The following PTPRD variants were observed in gnomAD, a reference collection of about 807,000 sequenced individuals.
The protein encoded by PTPRD is receptor-type tyrosine-protein phosphatase delta.
Under a neutral mutation model 214.5 loss-of-function variants are expected in PTPRD, and 34 were observed. That is an observed-to-expected ratio of 0.16 (90% CI 0.12 to 0.21). The LOEUF (loss-of-function observed/expected upper bound fraction) is 0.21. Ranked by LOEUF, PTPRD falls within the 10% of genes least tolerant of loss-of-function variation. The probability of loss-of-function intolerance (pLI) is 1.00; values close to 1 mark genes in which losing one functional copy is unlikely to be tolerated. For missense variants in PTPRD, 2,545 were observed against 2,398.7 expected (o/e 1.06, Z -1.27); for synonymous variants, 1,128 against 845.7 (o/e 1.33, Z -5.79).
At chr9:8,441,997 T>C (rs1051321769) in intron 34 of PTPRD, among the ~76,000 whole-genome samples, 1 of 152,134 alleles carries the variant, frequency 6.6e-6, no homozygotes, top group Non-Finnish European at 1.5e-5. Context: ...AAGACAGAGA[T>C]CATAAACCAT....
intron 2 of PTPRD, among the ~76,000 whole-genome samples, chr9:10,391,913 T>C (rs1408323774): frequency 6.6e-6 from 1 of 151,806 alleles, no homozygotes; most frequent in Non-Finnish European, 1.5e-5. Context: ...TCAAGAGTTC[T>C]TTTTCTCCAG....
chr9:8,741,341 G>C (rs2154445581), intron 11 of PTPRD, among the ~76,000 whole-genome samples: 1 of 152,146 alleles, frequency 6.6e-6, no homozygotes, highest in South Asian at 2.1e-4. Flanking sequence ...GCATGTCATA[G>C]CTTCTATCTA....
intron 5 of PTPRD, among the ~76,000 whole-genome samples, chr9:9,912,363 C>T (rs971275600): frequency 3.9e-5 from 6 of 152,132 alleles, no homozygotes; most frequent in Non-Finnish European, 7.4e-5. Flanking sequence ...ACTCATTTAT[C>T]ATGAGGTAGC....
chr9:8,541,537 T>C (rs1434816564), intron 14 of PTPRD, among the ~76,000 whole-genome samples: 3 of 152,152 alleles, frequency 2.0e-5, no homozygotes, highest in Non-Finnish European at 4.4e-5. Flanking sequence ...TCTTTTCTTT[T>C]ATTCTTTTTG....
chr9:9,218,119 T>C (rs1386183403), intron 9 of PTPRD, among the ~76,000 whole-genome samples: 3 of 152,134 alleles, frequency 2.0e-5, no homozygotes, highest in Non-Finnish European at 4.4e-5. Context: ...AATGTTGCAT[T>C]GGACTGAATA....
chr9:9,235,570 G>A (rs1379535862), intron 9 of PTPRD, among the ~76,000 whole-genome samples: 2 of 152,032 alleles, frequency 1.3e-5, no homozygotes, highest in Non-Finnish European at 2.9e-5. Flanking sequence ...GGTGAGAAAA[G>A]GTATCACCCC....
At chr9:9,248,860 G>C (rs541151744) in intron 9 of PTPRD, among the ~76,000 whole-genome samples, 4 of 152,184 alleles carry the variant, frequency 2.6e-5, no homozygotes, top group Admixed American at 2.0e-4. Flanking sequence ...CTCAGAAAGA[G>C]AGTGGGTTAA....
chr9:9,086,328 A>G (rs1273449835), intron 10 of PTPRD, among the ~76,000 whole-genome samples: 1 of 152,152 alleles, frequency 6.6e-6, no homozygotes, highest in African/African-American at 2.4e-5. Flanking sequence ...TTAATCTAGA[A>G]CGCATGCTGT....
intron 8 of PTPRD, among the ~76,000 whole-genome samples, chr9:9,432,798 A>G (rs1588277811): frequency 6.6e-6 from 1 of 152,358 alleles, no homozygotes; most frequent in South Asian, 2.1e-4. Flanking sequence ...CAAAGAATCA[A>G]TTTAATTTGA....
intron 8 of PTPRD, among the ~76,000 whole-genome samples, chr9:9,431,284 T>C (rs144853738): frequency 0.073 from 11,147 of 152,090 alleles, 464 homozygotes; most frequent in Middle Eastern, 0.17. Context: ...ACTTATGCAG[T>C]CAACAGACAC....
At chr9:10,264,803 C>G (rs1335366255) in intron 3 of PTPRD, among the ~76,000 whole-genome samples, 1 of 152,076 alleles carries the variant, frequency 6.6e-6, no homozygotes, top group Admixed American at 6.5e-5. Flanking sequence ...TGTTCCCACC[C>G]AAGTCTCATC....
intron 30 of PTPRD, among the ~76,000 whole-genome samples, chr9:8,479,791 T>C (rs2096842552): frequency 6.6e-6 from 1 of 152,184 alleles, no homozygotes; most frequent in Non-Finnish European, 1.5e-5. Context: ...TATACTATTT[T>C]CCTCTTTCAA....
intron 39 of PTPRD, among the ~76,000 whole-genome samples, chr9:8,365,297 A>C (rs1237860568): frequency 6.6e-6 from 1 of 152,276 alleles, no homozygotes; most frequent in African/African-American, 2.4e-5. Flanking sequence ...GAATTACAGG[A>C]AGATGTAAAG....
At chr9:8,509,825 T>C (rs2097639169) in intron 21 of PTPRD, among the ~76,000 whole-genome samples, 1 of 152,150 alleles carries the variant, frequency 6.6e-6, no homozygotes, top group Non-Finnish European at 1.5e-5. Flanking sequence ...CACATCCAAG[T>C]CTCAGAGAGT....
rs181821072 is a variant in PTPRD at position 9,850,171 on chromosome 9, G to A, written c.-367-83320C>T. On this transcript the variant is annotated intron_variant, in intron 5 of 45. Transcript: ENST00000381196. ...CACTGAAAGGTATTTATTTCTTCAA[G>A]GATGTAAAAAGCTGAATTTTAGCCT... Among the ~76,000 whole-genome samples the A allele has an allele frequency of 6.4e-4, 97 of 152,180 alleles. No homozygotes were observed. The South Asian group carries it at 7.5e-3, about 12-fold the overall frequency.
At chr9:8,396,318 A>C (rs1019487034) in intron 36 of PTPRD, among the ~76,000 whole-genome samples, 3 of 152,144 alleles carry the variant, frequency 2.0e-5, no homozygotes, top group Non-Finnish European at 2.9e-5. Flanking sequence ...GTAATTCCAA[A>C]TCTGGAAGGC....
chr9:9,678,512 T>C lies in PTPRD; in HGVS notation c.-287+56021A>G, dbSNP rs536209131. Among the ~76,000 whole-genome samples, 7 of 151,898 alleles carry C rather than the reference T, an allele frequency of 4.6e-5. No homozygotes were observed. The East Asian group carries it at 9.7e-4, about 21-fold the overall frequency. ...TAATTTTTAAGAGCTCCTAGAAAAC[T>C]TACACAATAAAAAATCCTTCGTATT... On this transcript the variant is annotated intron_variant, in intron 7 of 45. Coordinates refer to ENST00000381196, the MANE Select transcript of PTPRD (RefSeq NM_002839.4).
At chr9:8,894,791 TATG>T (rs2098594004) in intron 11 of PTPRD, among the ~76,000 whole-genome samples, 2 of 152,224 alleles carry the variant, frequency 1.3e-5, no homozygotes, top group African/African-American at 2.4e-5. Flanking sequence ...TAGTTGTTTT[TATG>T]ATATGTCCTT....
At chr9:9,093,493 T>C (rs68086413) in intron 10 of PTPRD, among the ~76,000 whole-genome samples, 20,896 of 151,718 alleles carry the variant, frequency 0.14, 1,685 homozygotes, top group East Asian at 0.23. Flanking sequence ...TGTTTTCTGG[T>C]TATAACATAT....
Sources: allele counts gnomAD v4.1 joint callset (sites outside exome capture counted in the v4.1 genomes callset), GRCh38; gene constraint gnomAD v4.1.1; transcripts MANE v1.5; gene names NCBI Gene and HGNC (gene_info 2026-07-23, HGNC 2026-07-21).